Variants in ST3GAL2 observed in about 807,000 individuals in gnomAD.
ST3GAL2 encodes the protein ST3 beta-galactoside alpha-2,3-sialyltransferase 2, also known as CMP-N-acetylneuraminate-beta-galactosamide-alpha-2,3-sialyltransferase 2.
In ST3GAL2, 16 loss-of-function variants were observed where a neutral mutation model predicts 37.5. That is an observed-to-expected ratio of 0.43 (90% CI 0.29 to 0.65). ST3GAL2 has a LOEUF of 0.65. Ranked by LOEUF, ST3GAL2 falls within the 30% of genes least tolerant of loss-of-function variation. The pLI is 0.17. For synonymous variants in ST3GAL2, 238 were observed against 202.9 expected, an observed-to-expected ratio of 1.17 and a Z score of -1.47; for missense variants, 383 against 487.8, an observed-to-expected ratio of 0.79 and a Z score of 2.02.
rs567688682 is a variant in ST3GAL2, at chr16:70,439,022, T to TCGCCGC, written c.-1083_-1078dup. 92 of 157,444 alleles carry TCGCCGC rather than the reference T, an allele frequency of 5.8e-4. No individual in the cohort carries two copies. The highest frequency in any genetic ancestry group is 3.0e-3 in the Middle Eastern group (1 of 334). The allele number at this position is 157,444 out of a possible 1,614,324, so 9.8% of individuals were successfully genotyped here. ...CCGCCGCCGCCCGCGCAGAAAGCCG[T>TCGCCGC]CGCCGCCGCCGCCGCCGCCGCCGCC... is the stretch of plus-strand genomic sequence containing the variant. On this transcript the variant is annotated 5_prime_UTR_variant, in exon 1 of 7. Transcript: ENST00000342907.
rs931863620 is a variant in ST3GAL2 at position 70,428,024 on chromosome 16, G to A, written c.-1004+10925C>T. ...CTCCCAATGCTCTGGGGTAAAGGCG[G>A]AACTCCCCAAAGGCCCCAGGTCTGG... On this transcript the variant is annotated intron_variant, in intron 1 of 6. Transcript: ENST00000342907. 9.2e-5 allele frequency among the ~76,000 whole-genome samples: 14 copies of A among 152,324 alleles called. 1 individual carries two copies. Among genetic ancestry groups the A allele is most frequent in the Admixed American group, 2.0e-4 (3 of 15,304 alleles).
intron 1 of ST3GAL2, among the ~76,000 whole-genome samples, chr16:70,424,922 T>C (rs2047740059): frequency 6.6e-6 from 1 of 152,194 alleles, no homozygotes; most frequent in African/African-American, 2.4e-5. Context: ...ATGGAGTCTG[T>C]GTCCAAACCT....
intron 5 of ST3GAL2, 86 bp downstream of exon 5, chr16:70,383,104 A>C (rs984065735): frequency 6.3e-7 from 1 of 1,590,906 alleles, no homozygotes; most frequent in Non-Finnish European, 8.6e-7. Context: ...TCTGCAGGGG[A>C]AATGGAACAC....
At chr16:70,412,371 T>C (rs552630619) in intron 1 of ST3GAL2, among the ~76,000 whole-genome samples, 2 of 152,298 alleles carry the variant, frequency 1.3e-5, no homozygotes, top group South Asian at 4.1e-4. Flanking sequence ...TGGTCAGGTA[T>C]GGCAGCTCAT....
chr16:70,390,030 C>A (rs974169260), intron 3 of ST3GAL2, among the ~76,000 whole-genome samples: 3 of 151,944 alleles, frequency 2.0e-5, no homozygotes, highest in Admixed American at 2.0e-4. Context: ...TCGTGATCCG[C>A]CCACCTCAGT....
Position 70,381,748 on chromosome 16 carries a change from CCTCGAAGTCCGCGTCGTG to C in ST3GAL2, c.976_993del (p.His326_Glu331del). The C allele has an allele frequency of 6.2e-7, 1 of 1,614,094 alleles. No individual in the cohort carries two copies. The highest frequency in any genetic ancestry group is 8.5e-7 in the Non-Finnish European group (1 of 1,179,958). On this transcript the variant is annotated inframe_deletion, in exon 7 of 7. Transcript: ENST00000342907. The stretch of plus-strand genomic sequence containing the variant: ...TTGGCCAGCATGTCGATGATGTGGG[CCTCGAAGTCCGCGTCGTG>C]CACGCCAGTCTTCCGGAACTCGCCC...
At chr16:70,404,715 A>G (rs1483397959) in intron 1 of ST3GAL2, among the ~76,000 whole-genome samples, 1 of 152,146 alleles carries the variant, frequency 6.6e-6, no homozygotes, top group East Asian at 1.9e-4. Context: ...TACTCAAGAG[A>G]AATGAAAACT....
At chr16:70,406,994 G>A (rs1242586687) in intron 1 of ST3GAL2, among the ~76,000 whole-genome samples, 1 of 152,190 alleles carries the variant, frequency 6.6e-6, no homozygotes, top group African/African-American at 2.4e-5. Flanking sequence ...TGTGGGACAG[G>A]TGGCAAAGCC....
rs537461377 is a variant in ST3GAL2, at chr16:70,399,446, G to A, written c.-916C>T. ...AGGTTCTGCCCATCCCCACTCCCCC[G>A]GGGCCAGCCTATCCTGCTGTGAGCT... On this transcript the variant is annotated 5_prime_UTR_variant, in exon 2 of 7. Transcript: ENST00000342907. The A allele has an allele frequency of 4.3e-5, 17 of 398,688 alleles. No individual in the cohort carries two copies. Among genetic ancestry groups the A allele is most frequent in the African/African-American group, 6.2e-5 (3 of 48,730 alleles). 24.7% of individuals were successfully genotyped at this position (398,688 alleles called of 1,614,324 possible). A position where few individuals can be genotyped will look rare whatever the true frequency, so the allele number is the denominator to read the frequency against.
At chr16:70,430,595 G>A (rs940654853) in intron 1 of ST3GAL2, among the ~76,000 whole-genome samples, 7 of 152,108 alleles carry the variant, frequency 4.6e-5, no homozygotes, top group African/African-American at 1.4e-4. Flanking sequence ...CATGGACCTG[G>A]GGTCTCCCCT....
chr16:70,410,145 G>C (rs113467032), intron 1 of ST3GAL2, among the ~76,000 whole-genome samples: 1 of 144,718 alleles, frequency 6.9e-6, no homozygotes, highest in African/African-American at 2.6e-5. Context: ...TTCACTTGGA[G>C]TTATGTTACT....
intron 1 of ST3GAL2, among the ~76,000 whole-genome samples, chr16:70,436,237 G>C (rs2047824554): frequency 6.6e-6 from 1 of 152,122 alleles, no homozygotes. Flanking sequence ...AAACCAGTCT[G>C]GCAAACATGG....
chr16:70,388,929 G>C (rs1216332768), intron 3 of ST3GAL2, among the ~76,000 whole-genome samples: 2 of 149,190 alleles, frequency 1.3e-5, no homozygotes, highest in African/African-American at 2.5e-5. Flanking sequence ...TATAAAATTA[G>C]CTGGGCGTGG....
intron 2 of ST3GAL2, among the ~76,000 whole-genome samples, chr16:70,395,840 C>G (rs1227367636): frequency 6.6e-6 from 1 of 152,188 alleles, no homozygotes; most frequent in Non-Finnish European, 1.5e-5. Context: ...CAGATCTGAG[C>G]CCCGGCAAAG....
chr16:70,422,064 C>T (rs1567676130), intron 1 of ST3GAL2, among the ~76,000 whole-genome samples: 1 of 152,194 alleles, frequency 6.6e-6, no homozygotes, highest in Non-Finnish European at 1.5e-5. Flanking sequence ...CCAAGCCCAG[C>T]CTGCACTAAC....
chr16:70,384,457 A>C (rs1302802006), intron 4 of ST3GAL2, among the ~76,000 whole-genome samples: 2 of 152,214 alleles, frequency 1.3e-5, no homozygotes, highest in Admixed American at 1.3e-4. Flanking sequence ...CTGTAATCCC[A>C]GCACTTTGGG....
Position 70,377,163 on chromosome 16 carries a change from G to GAGT in ST3GAL2, c.*4525_*4526insACT, listed in dbSNP as rs2047354193. On this transcript the variant is annotated 3_prime_UTR_variant, in exon 7 of 7. Transcript: ENST00000342907. Reference sequence around the variant, plus strand: ...GAGCTCTGCACCAGTCTGGGCGACAGGAGACCCTGTCTCTTAAAAAAAAAA... The same window carrying GAGT: ...GAGCTCTGCACCAGTCTGGGCGACAGAGTGAGACCCTGTCTCTTAAAAAAAAAA... 7.0e-6 allele frequency: 1 copy of GAGT among 142,414 alleles called. No homozygotes were observed. The allele number at this position is 142,414 out of a possible 1,614,324, so 8.8% of individuals were successfully genotyped here. A position where few individuals can be genotyped will look rare whatever the true frequency, so the allele number is the denominator to read the frequency against.
intron 1 of ST3GAL2, among the ~76,000 whole-genome samples, chr16:70,402,928 G>A (rs901262194): frequency 1.3e-5 from 2 of 152,236 alleles, no homozygotes; most frequent in Non-Finnish European, 2.9e-5. Flanking sequence ...TGGGATTACA[G>A]GCATGAGCCA....
At chr16:70,420,018 C>CG (rs892499115) in intron 1 of ST3GAL2, among the ~76,000 whole-genome samples, 11 of 148,708 alleles carry the variant, frequency 7.4e-5, no homozygotes, top group South Asian at 2.1e-4. Context: ...TTGACCCCCC[C>CG]CTTCCCTTTT....
Sources: allele counts gnomAD v4.1 joint callset (sites outside exome capture counted in the v4.1 genomes callset), GRCh38; gene constraint gnomAD v4.1.1; transcripts MANE v1.5; gene names NCBI Gene and HGNC (gene_info 2026-07-23, HGNC 2026-07-21).